Variants in DLG2 observed in about 807,000 individuals in gnomAD.
The protein encoded by DLG2 is disks large homolog 2.
In DLG2, 45 loss-of-function variants were observed where a neutral mutation model predicts 132.5. The ratio of observed to expected loss-of-function variants is 0.34; its 90% CI spans 0.27 to 0.44. DLG2 has a LOEUF of 0.44. Ranked by LOEUF, DLG2 falls within the 20% of genes least tolerant of loss-of-function variation. The pLI is 1.00. For missense variants in DLG2, 1,045 were observed against 1,196.9 expected, an observed-to-expected ratio of 0.87 and a Z score of 1.87; for synonymous variants, 424 against 419.6, an observed-to-expected ratio of 1.01 and a Z score of -0.13.
intron 18 of DLG2, among the ~76,000 whole-genome samples, chr11:83,782,041 A>AG (rs1456292447): frequency 6.6e-6 from 1 of 152,178 alleles, no homozygotes; most frequent in Non-Finnish European, 1.5e-5. Context: ...ATATTTCAAA[A>AG]CAACAGCTGT....
rs1470654425 is a variant in DLG2 at position 83,455,470 on chromosome 11, A to AT, written c.*4347dup. 7 of 152,604 alleles carry AT rather than the reference A, an allele frequency of 4.6e-5. No individual in the cohort carries two copies. The highest frequency in any genetic ancestry group is 1.7e-4 in the African/African-American group (7 of 41,432). The allele number at this position is 152,604 out of a possible 1,614,324, so 9.5% of individuals were successfully genotyped here. On this transcript the variant is annotated 3_prime_UTR_variant, in exon 28 of 28. Coordinates refer to ENST00000376104, the MANE Select transcript of DLG2 (RefSeq NM_001142699.3). ...GGAGAGAAGAAAAGTCTGCCATCCCATTGGGAGTCAACCTTGCCACTTGGT... is the reference window on the plus strand; with the variant it reads ...GGAGAGAAGAAAAGTCTGCCATCCCATTTGGGAGTCAACCTTGCCACTTGGT...
intron 16 of DLG2, among the ~76,000 whole-genome samples, chr11:83,834,681 C>A (rs1025844570): frequency 1.3e-5 from 2 of 152,118 alleles, no homozygotes; most frequent in African/African-American, 4.8e-5. Context: ...ACTATAAATA[C>A]ATATTTGAGG....
chr11:83,641,898 T>A (rs1201853930), intron 18 of DLG2, among the ~76,000 whole-genome samples: 1 of 151,740 alleles, frequency 6.6e-6, no homozygotes, highest in African/African-American at 2.4e-5. Context: ...TGTGTATGTG[T>A]GTTTGTGTGT....
chr11:84,651,731 T>G (rs1232830528), intron 6 of DLG2, among the ~76,000 whole-genome samples: 1 of 152,202 alleles, frequency 6.6e-6, no homozygotes, highest in East Asian at 1.9e-4. Context: ...TTTTGTGACT[T>G]GTATAATCTA....
At chr11:85,085,506 T>C (rs932720266) in intron 6 of DLG2, among the ~76,000 whole-genome samples, 6 of 152,138 alleles carry the variant, frequency 3.9e-5, no homozygotes, top group African/African-American at 1.4e-4. Context: ...AATTTATTTG[T>C]AACACAGTGA....
At chr11:85,458,183 G>A (rs1469231020) in intron 3 of DLG2, among the ~76,000 whole-genome samples, 1 of 152,076 alleles carries the variant, frequency 6.6e-6, no homozygotes, top group East Asian at 1.9e-4. Flanking sequence ...CAACAAGACA[G>A]TCTCTAAGCT....
intron 3 of DLG2, among the ~76,000 whole-genome samples, chr11:85,505,578 G>C (rs114120577): frequency 0.035 from 5,285 of 152,118 alleles, 293 homozygotes; most frequent in African/African-American, 0.12. Flanking sequence ...CCGACTTGAT[G>C]GTGGTGGATA....
intron 4 of DLG2, among the ~76,000 whole-genome samples, chr11:85,279,783 T>C (rs575203485): frequency 6.6e-6 from 1 of 152,238 alleles, no homozygotes; most frequent in South Asian, 2.1e-4. Flanking sequence ...CAAGAACCTA[T>C]TGAGAGCAGT....
intron 18 of DLG2, among the ~76,000 whole-genome samples, chr11:83,743,920 A>G (rs2092725905): frequency 1.3e-5 from 2 of 152,200 alleles, no homozygotes; most frequent in African/African-American, 4.8e-5. Context: ...GGTCTTCAGC[A>G]TCTATTCCTA....
chr11:84,061,784 A>G (rs1411153868), intron 10 of DLG2, among the ~76,000 whole-genome samples: 1 of 150,462 alleles, frequency 6.6e-6, no homozygotes, highest in Non-Finnish European at 1.5e-5. Context: ...AGATTCGGCA[A>G]TGTCATTTCA....
intron 6 of DLG2, among the ~76,000 whole-genome samples, chr11:84,633,076 G>T (rs1417402369): frequency 6.6e-6 from 1 of 152,164 alleles, no homozygotes; most frequent in African/African-American, 2.4e-5. Context: ...CAAATAAAAT[G>T]ATGTTTATGA....
chr11:83,750,971 A>T lies in DLG2; in HGVS notation c.1825+35719T>A, dbSNP rs188211448. Reference sequence around the variant, plus strand: ...GAGGTTCAACAGTGAGCAAAACAAGATAAACTCTCTGTCCTCACTGAACTT... The same window carrying T: ...GAGGTTCAACAGTGAGCAAAACAAGTTAAACTCTCTGTCCTCACTGAACTT... On this transcript the variant is annotated intron_variant, in intron 18 of 27. Transcript: ENST00000376104. 2.2e-3 allele frequency among the ~76,000 whole-genome samples: 338 copies of T among 152,318 alleles called. 1 individual carries two copies. The highest frequency in any genetic ancestry group is 7.9e-3 in the African/African-American group (327 of 41,572).
At chr11:84,964,103 C>G (rs1270968820) in intron 6 of DLG2, among the ~76,000 whole-genome samples, 2 of 151,974 alleles carry the variant, frequency 1.3e-5, no homozygotes, top group African/African-American at 4.8e-5. Context: ...AACATTAAGG[C>G]AGCCTAACTT....
chr11:83,711,941 A>G (rs771480540), intron 18 of DLG2, among the ~76,000 whole-genome samples: 1 of 152,222 alleles, frequency 6.6e-6, no homozygotes, highest in Non-Finnish European at 1.5e-5. Flanking sequence ...ACGAGATACT[A>G]TCTCATGCCA....
chr11:84,481,948 T>G (rs2099138871), intron 7 of DLG2, among the ~76,000 whole-genome samples: 1 of 152,186 alleles, frequency 6.6e-6, no homozygotes, highest in Admixed American at 6.5e-5. Context: ...AAGTTTTATG[T>G]GCATATTCAG....
intron 3 of DLG2, among the ~76,000 whole-genome samples, chr11:85,486,752 C>A (rs1471532326): frequency 1.3e-5 from 2 of 152,082 alleles, no homozygotes; most frequent in Non-Finnish European, 2.9e-5. Flanking sequence ...CCTTATCACA[C>A]CTGCTGCCCA....
At chr11:85,400,602 A>C (rs915266822) in intron 3 of DLG2, among the ~76,000 whole-genome samples, 44 of 145,484 alleles carry the variant, frequency 3.0e-4, no homozygotes, top group African/African-American at 8.4e-4. Context: ...CTATGCAGCC[A>C]TAAAAAATGA....
chr11:84,887,307 A>G (rs1468033514), intron 6 of DLG2: 1 of 152,064 alleles, frequency 6.6e-6, no homozygotes, highest in South Asian at 2.1e-4. Context: ...CCCTGAAAAG[A>G]AAGAAAACTC....
At position 83,711,577 on chromosome 11, in the gene DLG2, T is replaced by A. The variant is rs571754488; in HGVS notation, c.1825+75113A>T. On this transcript the variant is annotated intron_variant, in intron 18 of 27. Coordinates refer to ENST00000376104, the MANE Select transcript of DLG2 (RefSeq NM_001142699.3). The stretch of plus-strand genomic sequence containing the variant: ...ACTTGGCACCTCAGGCTGACTAATA[T>A]CTATGTGTGACCAAGGTAACTACCC... 4.6e-5 allele frequency among the ~76,000 whole-genome samples: 7 copies of A among 152,332 alleles called. No homozygotes were observed. In the South Asian group the frequency reaches 1.4e-3, roughly 32 times the overall value.
Sources: allele counts gnomAD v4.1 joint callset (sites outside exome capture counted in the v4.1 genomes callset), GRCh38; gene constraint gnomAD v4.1.1; transcripts MANE v1.5; gene names NCBI Gene and HGNC (gene_info 2026-07-23, HGNC 2026-07-21).